Variants in DNM3 observed in about 807,000 individuals in gnomAD.
The protein encoded by DNM3 is dynamin-3.
In DNM3, 47 loss-of-function variants were observed where a neutral mutation model predicts 101.6. That is an observed-to-expected ratio of 0.46 (90% CI 0.37 to 0.59). DNM3 has a LOEUF of 0.59. DNM3 is among the 20% of genes least tolerant of loss of function. DNM3 has a pLI of 0.00. For missense variants in DNM3, 849 were observed against 1,085.7 expected, an observed-to-expected ratio of 0.78 and a Z score of 3.06; for synonymous variants, 385 against 387.9, an observed-to-expected ratio of 0.99 and a Z score of 0.09.
intron 11 of DNM3, among the ~76,000 whole-genome samples, chr1:172,071,989 A>T (rs1436948839): frequency 6.6e-6 from 1 of 152,210 alleles, no homozygotes; most frequent in African/African-American, 2.4e-5. Context: ...GAGAACAGCC[A>T]TAGCTTTTAT....
At chr1:172,274,819 C>T (rs2063219705) in intron 15 of DNM3, among the ~76,000 whole-genome samples, 1 of 151,346 alleles carries the variant, frequency 6.6e-6, no homozygotes, top group Non-Finnish European at 1.5e-5. Flanking sequence ...ATGAGACTCA[C>T]CTTATGAGTT....
intron 1 of DNM3, chr1:171,864,526 A>G (rs1424745452): frequency 6.6e-6 from 1 of 152,258 alleles, no homozygotes; most frequent in Non-Finnish European, 1.5e-5. Context: ...CCAGTTGTCT[A>G]TAGAACAGAC....
rs573886650 is a variant in DNM3 at position 172,373,045 on chromosome 1, T to G, written c.1894-5973T>G. On this transcript the variant is annotated intron_variant, in intron 17 of 20. Transcript: ENST00000627582. ...TTCATTTAACTAAAACACCTTTAAT[T>G]CAGAAAGCATTATGTCTATTCTAAA... Among the ~76,000 whole-genome samples, 9 of 152,182 alleles carry G rather than the reference T, an allele frequency of 5.9e-5. No homozygotes were observed. In the South Asian group the frequency reaches 6.2e-4, roughly 10 times the overall value.
chr1:171,967,682 A>G (rs534806724), intron 2 of DNM3, among the ~76,000 whole-genome samples: 75 of 152,328 alleles, frequency 4.9e-4, no homozygotes, highest in African/African-American at 1.8e-3. Flanking sequence ...ATGCCCAGAC[A>G]GACTTTTCAT....
At chr1:172,215,867 G>C (rs1373336300) in intron 14 of DNM3, among the ~76,000 whole-genome samples, 1 of 151,478 alleles carries the variant, frequency 6.6e-6, no homozygotes, top group Non-Finnish European at 1.5e-5. Flanking sequence ...AGCAGATTTG[G>C]CTCTTATAAA....
intron 15 of DNM3, among the ~76,000 whole-genome samples, chr1:172,271,436 T>G (rs949773613): frequency 3.9e-5 from 6 of 152,154 alleles, no homozygotes; most frequent in Non-Finnish European, 8.8e-5. Context: ...GTGGCTTTTT[T>G]TTACAGTTTT....
At chr1:171,877,526 C>T (rs748600025) in intron 1 of DNM3, among the ~76,000 whole-genome samples, 18 of 152,178 alleles carry the variant, frequency 1.2e-4, no homozygotes, top group Non-Finnish European at 2.1e-4. Flanking sequence ...TTCACTTCGG[C>T]CTCCTTTCTA....
At chr1:172,324,478 T>C (rs2065860877) in intron 17 of DNM3, among the ~76,000 whole-genome samples, 1 of 152,156 alleles carries the variant, frequency 6.6e-6, no homozygotes, top group African/African-American at 2.4e-5. Flanking sequence ...TAACTGCTTA[T>C]AACCCAAGTA....
chr1:172,013,914 C>T (rs1265656794), intron 4 of DNM3, among the ~76,000 whole-genome samples: 2 of 152,044 alleles, frequency 1.3e-5, no homozygotes, highest in Non-Finnish European at 2.9e-5. Context: ...TAAATTAATA[C>T]ACTTTATTAT....
At chr1:171,900,490 G>T (rs1473757876) in intron 1 of DNM3, among the ~76,000 whole-genome samples, 1 of 152,166 alleles carries the variant, frequency 6.6e-6, no homozygotes, top group Non-Finnish European at 1.5e-5. Flanking sequence ...GAGGTCAGCA[G>T]TATCAAGTTT....
At chr1:171,936,591 T>G (rs1340328599) in intron 2 of DNM3, among the ~76,000 whole-genome samples, 1 of 152,174 alleles carries the variant, frequency 6.6e-6, no homozygotes, top group Non-Finnish European at 1.5e-5. Flanking sequence ...TACCAAAGTA[T>G]TCTTTCTTTT....
At chr1:171,999,640 ATC>A in intron 4 of DNM3, among the ~76,000 whole-genome samples, 1 of 152,122 alleles carries the variant, frequency 6.6e-6, no homozygotes, top group Non-Finnish European at 1.5e-5. Context: ...ACTCTCCCCC[ATC>A]CCATACCTGT....
At chr1:172,373,146 T>C (rs559907342) in intron 17 of DNM3, among the ~76,000 whole-genome samples, 2 of 152,212 alleles carry the variant, frequency 1.3e-5, no homozygotes, top group Non-Finnish European at 1.5e-5. Flanking sequence ...ATAGTATTTG[T>C]AGAAATTTTG....
intron 1 of DNM3, among the ~76,000 whole-genome samples, chr1:171,862,512 T>C (rs1205181378): frequency 1.3e-5 from 2 of 152,170 alleles, no homozygotes; most frequent in African/African-American, 2.4e-5. Flanking sequence ...TAGTATATGA[T>C]TCCATTTATA....
At chr1:172,329,617 T>C (rs2148929910) in intron 17 of DNM3, among the ~76,000 whole-genome samples, 1 of 152,198 alleles carries the variant, frequency 6.6e-6, no homozygotes, top group South Asian at 2.1e-4. Flanking sequence ...AAGCTTAAAC[T>C]ACATACAAAT....
chr1:171,981,395 T>C (rs943388143), intron 2 of DNM3, among the ~76,000 whole-genome samples: 14 of 152,376 alleles, frequency 9.2e-5, no homozygotes, highest in Admixed American at 8.5e-4. Flanking sequence ...ATAATTCCTT[T>C]CTACTTAACC....
chr1:172,248,076 A>G lies in DNM3; in HGVS notation c.1660-5497A>G, dbSNP rs146058665. Among the ~76,000 whole-genome samples the G allele has an allele frequency of 3.9e-3, 587 of 152,264 alleles. 4 individuals are homozygous for G. The highest frequency in any genetic ancestry group is 0.014 in the Middle Eastern group (4 of 294). ...TTCATATCTCCTAGGAGCAGAATCTATGCTTTTTTTTGTATGCTTTTGAAG... is the reference window on the plus strand; with the variant it reads ...TTCATATCTCCTAGGAGCAGAATCTGTGCTTTTTTTTGTATGCTTTTGAAG... On this transcript the variant is annotated intron_variant, in intron 14 of 20. Transcript: ENST00000627582.
chr1:172,030,906 A>G (rs1318908261), intron 4 of DNM3, among the ~76,000 whole-genome samples: 2 of 152,142 alleles, frequency 1.3e-5, no homozygotes, highest in African/African-American at 4.8e-5. Flanking sequence ...GACACAACAG[A>G]TGCTGGAGAG....
chr1:172,323,238 C>A, intron 16 of DNM3, 91 bp from the exon 17 acceptor site: 2 of 1,314,334 alleles, frequency 1.5e-6, no homozygotes, highest in Non-Finnish European at 2.1e-6. Context: ...TTTTAATATC[C>A]AGAGAAAGTA....
Sources: gnomAD v4.1 joint callset for allele counts (sites outside exome capture counted in the v4.1 genomes callset) on GRCh38, gnomAD v4.1.1 for gene constraint, MANE v1.5 for transcripts, NCBI Gene and HGNC (gene_info 2026-07-23, HGNC 2026-07-21) for gene names.